Variants in ETV6 observed in about 807,000 individuals in gnomAD.
The protein encoded by ETV6 is transcription factor ETV6.
A neutral mutation model predicts 51.1 loss-of-function variants in ETV6; 16 were observed. That is an observed-to-expected ratio of 0.31 (90% CI 0.21 to 0.48). The LOEUF is 0.48. Ranked by LOEUF, ETV6 falls within the 20% of genes least tolerant of loss-of-function variation. The pLI, the probability that ETV6 is intolerant of heterozygous loss-of-function variation, is 0.99. For missense variants in ETV6, 458 were observed against 594.8 expected, an observed-to-expected ratio of 0.77 and a Z score of 2.39; for synonymous variants, 240 against 224.1, an observed-to-expected ratio of 1.07 and a Z score of -0.64.
chr12:11,679,725 T>C (rs936145146), intron 1 of ETV6, among the ~76,000 whole-genome samples: 1 of 152,208 alleles, frequency 6.6e-6, no homozygotes, highest in Admixed American at 6.5e-5. Flanking sequence ...ATTTGTAACA[T>C]TTGATGATTT....
chr12:11,813,205 T>C (rs1945940805), intron 2 of ETV6, among the ~76,000 whole-genome samples: 1 of 152,240 alleles, frequency 6.6e-6, no homozygotes, highest in Non-Finnish European at 1.5e-5. Context: ...TGGAGAGACT[T>C]GGATTGGACT....
intron 1 of ETV6, among the ~76,000 whole-genome samples, chr12:11,685,632 GA>G (rs1565485496): frequency 6.6e-6 from 1 of 152,136 alleles, no homozygotes; most frequent in Non-Finnish European, 1.5e-5. Flanking sequence ...ATGTACATAT[GA>G]ATGTGTATGT....
intron 5 of ETV6, among the ~76,000 whole-genome samples, chr12:11,883,296 T>C (rs1291415940): frequency 1.1e-4 from 14 of 132,680 alleles, no homozygotes; most frequent in Admixed American, 1.5e-4. Context: ...TTTTTTTTTT[T>C]TTTTTTTTTT....
At chr12:11,682,452 T>G (rs1864549512) in intron 1 of ETV6, among the ~76,000 whole-genome samples, 1 of 152,242 alleles carries the variant, frequency 6.6e-6, no homozygotes, top group South Asian at 2.1e-4. Context: ...TCCTTCTAGA[T>G]TCTGGATATT....
chr12:11,666,419 A>G (rs1565478620), intron 1 of ETV6, among the ~76,000 whole-genome samples: 1 of 152,332 alleles, frequency 6.6e-6, no homozygotes, highest in East Asian at 1.9e-4. Flanking sequence ...CTAGAAAAAC[A>G]ACTCAAAGTT....
In ETV6 at chr12:11,869,554, G is replaced by C. The variant is rs1022855479; in HGVS notation, c.594G>C (p.Gln198His). 6.2e-7 allele frequency: 1 copy of C among 1,614,148 alleles called. No individual in the cohort carries two copies. Among genetic ancestry groups the C allele is most frequent in the Non-Finnish European group, 8.5e-7 (1 of 1,180,020 alleles). ...ACCGGCCTTCTCCTGACCCCGAGCA[G>C]CGGCCCCTCCGGTCCCCCCTGGACA... Reference protein sequence around the residue: ...TNHRPSPDPEQRPLRSPLDNM... With the variant: ...TNHRPSPDPEHRPLRSPLDNM... The change falls in exon 5 of 8, where the codon CAG (glutamine) becomes CAC (histidine). Residue 198 changes from glutamine (Q) to histidine (H), a missense_variant. Gln to His is a conservative substitution (Grantham distance 24). This residue lies in a region of ETV6 where 293 missense variants were observed against 315.7 expected (regional missense o/e 0.93). Coordinates refer to ENST00000396373, the MANE Select transcript of ETV6 (RefSeq NM_001987.5). The surrounding 1 kb of genome is among the most constrained non-coding windows in gnomAD (Gnocchi z 5.0).
chr12:11,739,988 G>A (rs55703299), intron 1 of ETV6, among the ~76,000 whole-genome samples: 12 of 152,256 alleles, frequency 7.9e-5, no homozygotes, highest in African/African-American at 2.9e-4. Context: ...ACAATTGAGG[G>A]TTGGAAAATA....
intron 2 of ETV6, among the ~76,000 whole-genome samples, chr12:11,760,049 G>C (rs531219351): frequency 3.2e-4 from 49 of 152,308 alleles, no homozygotes; most frequent in African/African-American, 1.2e-3. Flanking sequence ...CTGATTCTCA[G>C]TTGCCTGTAC....
intron 2 of ETV6, among the ~76,000 whole-genome samples, chr12:11,822,151 C>T (rs552889355): frequency 7.2e-5 from 11 of 152,314 alleles, no homozygotes; most frequent in South Asian, 4.1e-4. Flanking sequence ...ACATGCCCTG[C>T]GCCTGATCCG....
intron 2 of ETV6, among the ~76,000 whole-genome samples, chr12:11,772,323 AC>A (rs1945253746): frequency 6.6e-6 from 1 of 152,238 alleles, no homozygotes; most frequent in African/African-American, 2.4e-5. Context: ...ATTCAGAAGA[AC>A]AGTGATATAG....
intron 1 of ETV6, among the ~76,000 whole-genome samples, chr12:11,731,198 A>T (rs1398538599): frequency 6.6e-6 from 1 of 152,230 alleles, no homozygotes; most frequent in African/African-American, 2.4e-5. Context: ...GATCTTTAGG[A>T]TACTGTGATG....
At chr12:11,828,732 G>A (rs899859498) in intron 2 of ETV6, among the ~76,000 whole-genome samples, 1 of 152,068 alleles carries the variant, frequency 6.6e-6, no homozygotes, top group Non-Finnish European at 1.5e-5. Context: ...TCTTCCTAAC[G>A]CTGAGAAGTA....
intron 1 of ETV6, among the ~76,000 whole-genome samples, chr12:11,702,166 C>T (rs1864995656): frequency 1.3e-5 from 2 of 152,034 alleles, no homozygotes; most frequent in Non-Finnish European, 2.9e-5. Context: ...AGCGTGGTTG[C>T]AGCATTTTAG....
At chr12:11,867,540 C>G (rs866374877) in intron 4 of ETV6, among the ~76,000 whole-genome samples, 26 of 151,904 alleles carry the variant, frequency 1.7e-4, no homozygotes, top group African/African-American at 6.0e-4. Flanking sequence ...TATTTTTGTT[C>G]AGTGATCATA....
chr12:11,818,552 A>G (rs982705856), intron 2 of ETV6, among the ~76,000 whole-genome samples: 5 of 149,162 alleles, frequency 3.4e-5, no homozygotes, highest in Non-Finnish European at 7.4e-5. Context: ...AAAAAAAAGC[A>G]ATGGGAATGG....
intron 3 of ETV6, among the ~76,000 whole-genome samples, chr12:11,843,890 T>A (rs150541660): frequency 5.1e-4 from 77 of 152,220 alleles, no homozygotes; most frequent in African/African-American, 1.8e-3. Flanking sequence ...TTTGGAATAG[T>A]CTCCCAGTTG....
At chr12:11,815,409 C>CCTCCA (rs1372857024) in intron 2 of ETV6, among the ~76,000 whole-genome samples, 4 of 152,316 alleles carry the variant, frequency 2.6e-5, no homozygotes, top group African/African-American at 9.6e-5. Flanking sequence ...CATGGAGAGT[C>CCTCCA]CTCTTGGAGG....
intron 1 of ETV6, among the ~76,000 whole-genome samples, chr12:11,716,411 G>C (rs1243953241): frequency 6.6e-6 from 1 of 151,456 alleles, no homozygotes; most frequent in East Asian, 1.9e-4. Context: ...CTGGTGAATT[G>C]GGAGTGATTT....
chr12:11,767,629 A>G (rs578025125), intron 2 of ETV6, among the ~76,000 whole-genome samples: 8 of 152,362 alleles, frequency 5.3e-5, no homozygotes, highest in Admixed American at 5.2e-4. Flanking sequence ...TCAGTTGCTC[A>G]TCTGTAAAAC....
Sources: gnomAD v4.1 joint callset for allele counts (sites outside exome capture counted in the v4.1 genomes callset) on GRCh38, gnomAD v4.1.1 for gene constraint, gnomAD v4.1.1 regional missense constraint, Gnocchi (gnomAD v3.1) non-coding constraint, MANE v1.5 for transcripts, NCBI Gene and HGNC (gene_info 2026-07-23, HGNC 2026-07-21) for gene names.